Variants in PKD1 observed in about 807,000 individuals in gnomAD.
The protein encoded by PKD1 is polycystin 1, transient receptor potential channel interacting.
In PKD1, 81 loss-of-function variants were observed where a neutral mutation model predicts 361.7. The ratio of observed to expected loss-of-function variants is 0.22; its 90% confidence interval spans 0.19 to 0.27. PKD1 has a LOEUF of 0.27. Among genes scored for constraint, PKD1 ranks in the 10% least tolerant of loss-of-function variants. PKD1 has a pLI of 1.00. For synonymous variants in PKD1, 3,615 were observed against 2,818.3 expected (o/e 1.28, Z -8.95); for missense variants, 6,399 against 6,118.3 (o/e 1.05, Z -1.53).
In PKD1 at chr16:2,107,928, C is replaced by G. The variant is rs1296605059; in HGVS notation, c.7020G>C (p.Leu2340=). 6 of 1,546,084 alleles carry G rather than the reference C, an allele frequency of 3.9e-6. No homozygotes were observed. Among genetic ancestry groups the G allele is most frequent in the Non-Finnish European group, 4.4e-6 (5 of 1,146,748 alleles). The change falls in exon 16 of 46, where the codon CTG becomes CTC. Residue 2340 remains leucine (L), a synonymous_variant. Coordinates refer to ENST00000262304, the MANE Select transcript of PKD1 (RefSeq NM_001009944.3). ...LAAGVEYTFS[L]TVWKAGRKEE... ...CCTTGCGGCCGGCCTTCCACACGGT[C>G]AGGCTGAAGGTGTACTCCACGCCAG...
At chr16:2,123,395 G>A in intron 1 of PKD1, 4 of 453,164 alleles carry the variant, frequency 8.8e-6, no homozygotes, top group South Asian at 3.1e-5. Context: ...GGAAGCATCT[G>A]CCCTGGGCAG....
Position 2,109,375 on chromosome 16 carries a change from A to T in PKD1, c.5792T>A (p.Leu1931His), listed in dbSNP as rs2151791536. ...GCTGTGGGAGAAACGGGGCCCGGGG[A>T]GCACCTCGGGGTTGGCCCCGCCGAC... ...LQVGGANPEV[L>H]PGPRFSHSFP... The change falls in exon 15 of 46, where the codon CTC (leucine) becomes CAC (histidine). Residue 1931 changes from leucine to histidine, a missense_variant. By Grantham distance (99) the Leu-to-His change is moderately conservative (BLOSUM62 -3). Coordinates refer to ENST00000262304, the MANE Select transcript of PKD1 (RefSeq NM_001009944.3). 1 of 1,593,674 alleles carries T rather than the reference A, an allele frequency of 6.3e-7. No individual in the cohort carries two copies. The highest frequency in any genetic ancestry group is 2.2e-5 in the East Asian group (1 of 44,672).
In PKD1 at chr16:2,102,608, G is replaced by A. The variant is rs1433359559; in HGVS notation, c.8974C>T (p.His2992Tyr). The change falls in exon 25 of 46, where the codon CAT becomes TAT. Residue 2992 changes from histidine (H) to tyrosine (Y), a missense_variant. His to Tyr is a moderately conservative substitution (Grantham distance 83). Transcript: ENST00000262304. ...PGSRDPAGSY[H>Y]LNLSSHFRWS... The stretch of plus-strand genomic sequence containing the variant: ...CGGAAGTGGCTGGAGAGGTTCAGAT[G>A]GTAACTCCCCGCTGGGTCTCTGCTC... 4 of 1,611,060 alleles carry A rather than the reference G, an allele frequency of 2.5e-6. No individual in the cohort carries two copies. The highest frequency in any genetic ancestry group is 2.2e-5 in the East Asian group (1 of 44,900).
At position 2,117,777 on chromosome 16, in the gene PKD1, C is replaced by A. The variant is rs1273115135; in HGVS notation, c.1201+14G>T. ...GGCCCTGGGGAGGAAGGGGAGTGGGCAGCAGACACTCACCTCGGGCCGGCT... is the reference window on the plus strand; with the variant it reads ...GGCCCTGGGGAGGAAGGGGAGTGGGAAGCAGACACTCACCTCGGGCCGGCT... On this transcript the variant is annotated intron_variant, in intron 5 of 45. Transcript: ENST00000262304. 9.5e-7 allele frequency: 1 copy of A among 1,050,208 alleles called. No individual in the cohort carries two copies. The highest frequency in any genetic ancestry group is 2.6e-5 in the East Asian group (1 of 38,598). The allele number at this position is 1,050,208 out of a possible 1,614,324, so 65.1% of individuals were successfully genotyped here.
At chr16:2,093,784 G>A (rs982677493) in intron 36 of PKD1, 27 bp downstream of exon 36, 2 of 1,557,000 alleles carry the variant, frequency 1.3e-6, no homozygotes. Context: ...ATGGAGGCCT[G>A]TAGCCTACCC....
chr16:2,114,505 T>A lies in PKD1; in HGVS notation c.2518A>T (p.Thr840Ser), dbSNP rs776072973. The A allele has an allele frequency of 6.3e-7, 1 of 1,596,086 alleles. No homozygotes were observed. The highest frequency in any genetic ancestry group is 1.1e-5 in the South Asian group (1 of 90,914). Residue 840 changes from threonine (T) to serine (S), a missense_variant, in exon 11 of 46, where the codon ACC becomes TCC. Thr to Ser is a moderately conservative substitution (Grantham distance 58). Coordinates refer to ENST00000262304, the MANE Select transcript of PKD1 (RefSeq NM_001009944.3). ...TGGAGCACCAAGGCTGAGCCGTTGG[T>A]GGGCACGTAGAGGCGGCCGTCGCGG... ...APRDGRLYVP[T>S]NGSALVLQVD...
chr16:2,102,331 C>G, intron 25 of PKD1, 50 bp downstream of exon 25: 1 of 1,532,276 alleles, frequency 6.5e-7, no homozygotes, highest in Non-Finnish European at 8.8e-7. Context: ...CGAGCCCACC[C>G]AGGCCCTCCT....
Position 2,108,330 on chromosome 16 carries a change from G to T in PKD1, c.6837C>A (p.Ser2279Arg). 6.2e-7 allele frequency: 1 copy of T among 1,606,150 alleles called. No homozygotes were observed. Among genetic ancestry groups the T allele is most frequent in the South Asian group, 1.1e-5 (1 of 90,908 alleles). The change falls in exon 15 of 46, where the codon AGC becomes AGA. Residue 2279 changes from serine to arginine, a missense_variant. Physicochemically the swap from Ser to Arg is moderately radical, Grantham distance 110. Transcript: ENST00000262304. Reference sequence around the variant, plus strand: ...CCTCCAGGTTGGGGTCGTAGGACTCGCTCCCATCCAGCACCAGGTCCCGTG... The same window carrying T: ...CCTCCAGGTTGGGGTCGTAGGACTCTCTCCCATCCAGCACCAGGTCCCGTG... ...SDTRDLVLDG[S>R]ESYDPNLEDG...
intron 11 of PKD1, among the ~76,000 whole-genome samples, chr16:2,113,529 C>T (rs1293812343): frequency 1.3e-5 from 2 of 152,160 alleles, no homozygotes; most frequent in African/African-American, 2.4e-5. Flanking sequence ...TCAGTTTCCC[C>T]ATCTGTAAAG....
chr16:2,107,542 T>C, intron 16 of PKD1: 1 of 426,166 alleles, frequency 2.3e-6, no homozygotes, highest in Non-Finnish European at 4.4e-6. Flanking sequence ...GAGGGGAGCG[T>C]GAGGGTGAGA....
Position 2,108,546 on chromosome 16 carries a change from G to C in PKD1, c.6621C>G (p.Pro2207=), listed in dbSNP as rs575553075. The stretch of plus-strand genomic sequence containing the variant: ...GCCGAGGCCGGCTCACGTCCACGCC[G>C]GGCAGGGCCACACGCGCTGGGCGCC... ...RPGRPARVAL[P]GVDVSRPRLV... is the part of the protein sequence containing the mutation. The change falls in exon 15 of 46, where the codon CCC becomes CCG. Residue 2207 remains proline (P), a synonymous_variant. Transcript: ENST00000262304. 2.8e-4 allele frequency: 443 copies of C among 1,605,366 alleles called. 1 individual carries two copies. Among genetic ancestry groups the C allele is most frequent in the Middle Eastern group, 4.5e-4 (2 of 4,422 alleles).
intron 40 of PKD1, 38 bp from the exon 41 acceptor site, chr16:2,091,944 C>T: frequency 2.5e-6 from 4 of 1,611,702 alleles, no homozygotes; most frequent in Non-Finnish European, 2.5e-6. Flanking sequence ...GCACCCCAGC[C>T]CTTCCGGCAC....
chr16:2,109,682 G>A lies in PKD1; in HGVS notation c.5485C>T (p.Leu1829=), dbSNP rs986917061. The stretch of plus-strand genomic sequence containing the variant: ...CAGCTCACATTGGTGCCCGTGGCCA[G>A]CTGCCCCCAAAAGGGCACAGAGGAC... ...AGSSVPFWGQ[L]ATGTNVSWCW... The change falls in exon 15 of 46, where the codon CTG becomes TTG. Residue 1829 remains leucine, a synonymous_variant. Transcript: ENST00000262304. 6 of 1,588,410 alleles carry A rather than the reference G, an allele frequency of 3.8e-6. No homozygotes were observed. Among genetic ancestry groups the A allele is most frequent in the Admixed American group, 1.8e-5 (1 of 56,256 alleles).
chr16:2,132,117 G>C (rs2092889546), intron 1 of PKD1, among the ~76,000 whole-genome samples: 1 of 151,808 alleles, frequency 6.6e-6, no homozygotes, highest in Non-Finnish European at 1.5e-5. Flanking sequence ...AGGCATGGTG[G>C]CACATGCCTG....
At chr16:2,091,722 G>A in intron 41 of PKD1, 59 bp downstream of exon 41, 2 of 1,595,590 alleles carry the variant, frequency 1.3e-6, no homozygotes, top group Non-Finnish European at 1.7e-6. Context: ...AGGAGTGAGG[G>A]TGGGCTCCTG....
intron 1 of PKD1, among the ~76,000 whole-genome samples, chr16:2,125,920 C>G (rs1458970638): frequency 6.6e-6 from 1 of 152,208 alleles, no homozygotes; most frequent in Non-Finnish European, 1.5e-5. Flanking sequence ...TCCTCCTCCC[C>G]CAACACCATC....
At chr16:2,133,036 C>G (rs1406804875) in intron 1 of PKD1, 1 of 140,848 alleles carries the variant, frequency 7.1e-6, no homozygotes, top group African/African-American at 2.7e-5. Flanking sequence ...GAGCCGAGAT[C>G]GTGCCATTGC....
At chr16:2,105,576 C>G (rs1011875020) in intron 20 of PKD1, 102 bp from the exon 21 acceptor site, 145 of 1,593,084 alleles carry the variant, frequency 9.1e-5, no homozygotes, top group Non-Finnish European at 1.1e-4. Context: ...GTGCTAGACG[C>G]TGTGTGATGC....
Position 2,111,274 on chromosome 16 carries a change from C to A in PKD1, c.3893G>T (p.Arg1298Leu), listed in dbSNP as rs536743722. The A allele has an allele frequency of 6.2e-6, 10 of 1,609,674 alleles. No individual in the cohort carries two copies. The East Asian group carries it at 1.6e-4, about 25-fold the overall frequency. ...GGGGATGCAGGCGGCGGGTTCAACG[C>A]GCAGCACCTCCAGGACGAAGACCAG... is the stretch of plus-strand genomic sequence containing the variant. ...HVLVFVLEVL[R>L]VEPAACIPTQ... is the part of the protein sequence containing the mutation. Residue 1298 changes from arginine (R) to leucine (L), a missense_variant, in exon 15 of 46, where the codon CGC becomes CTC. Coordinates refer to ENST00000262304, the MANE Select transcript of PKD1 (RefSeq NM_001009944.3).
Sources: gnomAD v4.1 joint callset for allele counts (sites outside exome capture counted in the v4.1 genomes callset) on GRCh38, gnomAD v4.1.1 for gene constraint, MANE v1.5 for transcripts, NCBI Gene and HGNC (gene_info 2026-07-23, HGNC 2026-07-21) for gene names.